NINL: variants seen among roughly 807,000 people sequenced by gnomAD.
NINL encodes ninein-like protein.
NINL carries 153 observed loss-of-function variants against 160.3 expected under a neutral mutation model. That is an observed-to-expected ratio of 0.95 (90% CI 0.84 to 1.09). The LOEUF (loss-of-function observed/expected upper bound fraction) is 1.09, where lower values mean the gene tolerates loss of function less well. Among genes scored for constraint, NINL ranks in the 50% least tolerant of loss-of-function variants. The probability of loss-of-function intolerance (pLI) is 0.00; values close to 1 mark genes in which losing one functional copy is unlikely to be tolerated. For synonymous variants in NINL, 800 were observed against 734.8 expected (o/e 1.09, Z -1.43); for missense variants, 1,829 against 1,764.0 (o/e 1.04, Z -0.66).
At chr20:25,465,300 C>G (rs1198895886) in intron 19 of NINL, among the ~76,000 whole-genome samples, 1 of 152,144 alleles carries the variant, frequency 6.6e-6, no homozygotes, top group Non-Finnish European at 1.5e-5. Flanking sequence ...CCAAAGGGAC[C>G]ATGCAGGGGA....
chr20:25,516,402 A>G (rs538939001), intron 3 of NINL, among the ~76,000 whole-genome samples: 2 of 152,356 alleles, frequency 1.3e-5, no homozygotes, highest in Admixed American at 1.3e-4. Flanking sequence ...AAAAAATAGA[A>G]TTGAAACAGG....
At chr20:25,519,684 T>C (rs913593635) in intron 2 of NINL, among the ~76,000 whole-genome samples, 3 of 152,078 alleles carry the variant, frequency 2.0e-5, no homozygotes, top group Admixed American at 6.6e-5. Flanking sequence ...ATAGACACAG[T>C]AACACGAATG....
intron 15 of NINL, among the ~76,000 whole-genome samples, chr20:25,479,583 A>G (rs1206927983): frequency 6.6e-6 from 1 of 152,214 alleles, no homozygotes; most frequent in Admixed American, 6.5e-5. Context: ...ATGGGTGGGC[A>G]GGGCTCGCCG....
chr20:25,472,325 ATATATAT>A (rs1416255712), intron 17 of NINL, among the ~76,000 whole-genome samples: 22 of 4,732 alleles, frequency 4.6e-3, no homozygotes, highest in African/African-American at 0.028. Flanking sequence ...GGAGGAGAGG[ATATATAT>A]ATATATATAT....
chr20:25,478,425 C>T (rs189617318), intron 16 of NINL, among the ~76,000 whole-genome samples: 3 of 152,344 alleles, frequency 2.0e-5, no homozygotes, highest in East Asian at 1.9e-4. Flanking sequence ...CAAGAACAGA[C>T]GTGGTCACTT....
chr20:25,507,006 A>G (rs1439326396), intron 5 of NINL, among the ~76,000 whole-genome samples: 1 of 152,236 alleles, frequency 6.6e-6, no homozygotes, highest in Non-Finnish European at 1.5e-5. Flanking sequence ...TGTTTGAACC[A>G]GCATCCAAAC....
At chr20:25,516,697 T>C (rs979513332) in intron 3 of NINL, among the ~76,000 whole-genome samples, 1 of 152,106 alleles carries the variant, frequency 6.6e-6, no homozygotes, top group Non-Finnish European at 1.5e-5. Context: ...TTGGAGCAAC[T>C]TACACCTCAC....
chr20:25,511,211 C>T (rs449801), intron 4 of NINL, among the ~76,000 whole-genome samples: 98,931 of 151,866 alleles, frequency 0.65, 33,858 homozygotes, highest in East Asian at 0.99. Context: ...CTTTCCCTCA[C>T]CAACCATATC....
intron 13 of NINL, among the ~76,000 whole-genome samples, chr20:25,487,803 C>T (rs1301616551): frequency 1.3e-5 from 2 of 152,318 alleles, no homozygotes; most frequent in South Asian, 2.1e-4. Flanking sequence ...ATTTCTTCTG[C>T]GGGCCAGAGC....
At chr20:25,538,076 A>G (rs895834075) in intron 1 of NINL, among the ~76,000 whole-genome samples, 10 of 152,114 alleles carry the variant, frequency 6.6e-5, no homozygotes, top group African/African-American at 2.2e-4. Context: ...CCAGGGCGTG[A>G]GATGCTGGTG....
intron 1 of NINL, among the ~76,000 whole-genome samples, chr20:25,574,355 CTTTT>C (rs374056975): frequency 6.8e-6 from 1 of 146,634 alleles, no homozygotes; most frequent in African/African-American, 2.5e-5. Context: ...CCACCACCGT[CTTTT>C]TTTTTTTTCT....
intron 1 of NINL, among the ~76,000 whole-genome samples, chr20:25,532,448 A>C (rs960825080): frequency 1.3e-5 from 2 of 152,058 alleles, no homozygotes; most frequent in Non-Finnish European, 2.9e-5. Flanking sequence ...CAGTAGGGGG[A>C]GCCCACCCAT....
At chr20:25,523,661 G>A (rs2064302525) in intron 2 of NINL, among the ~76,000 whole-genome samples, 1 of 151,830 alleles carries the variant, frequency 6.6e-6, no homozygotes, top group Non-Finnish European at 1.5e-5. Flanking sequence ...TTGTTTTTTT[G>A]AGATGGAGTC....
Position 25,578,430 on chromosome 20 carries a change from GCA to G in NINL, c.-12+7023_-12+7024del, listed in dbSNP as rs953517067. On this transcript the variant is annotated intron_variant, in intron 1 of 23. Transcript: ENST00000278886. ...GCCCTGAAATGTTATTTCCATGGGCGCACACACGCACACAAAGCCACAAAAAG... is the reference window on the plus strand; with the variant it reads ...GCCCTGAAATGTTATTTCCATGGGCGCACACGCACACAAAGCCACAAAAAG... Among the ~76,000 whole-genome samples, 9 of 151,902 alleles carry G rather than the reference GCA, an allele frequency of 5.9e-5. 1 individual carries two copies. Among genetic ancestry groups the G allele is most frequent in the Admixed American group, 4.6e-4 (7 of 15,240 alleles).
chr20:25,472,352 TATATATATATATATA>T (rs1338502202), intron 17 of NINL, among the ~76,000 whole-genome samples: 10 of 118,972 alleles, frequency 8.4e-5, no homozygotes, highest in Non-Finnish European at 1.4e-4. Flanking sequence ...TATATATATA[TATATATATATATATA>T]CTTTTTTTTT....
intron 11 of NINL, 91 bp from the exon 12 acceptor site, chr20:25,490,076 C>A (rs2063591827): frequency 8.5e-7 from 1 of 1,183,172 alleles, no homozygotes; most frequent in African/African-American, 1.5e-5. Flanking sequence ...TCTCATAGGA[C>A]TGGGCATCAG....
intron 13 of NINL, among the ~76,000 whole-genome samples, chr20:25,488,349 C>T (rs1452559450): frequency 6.6e-6 from 1 of 152,190 alleles, no homozygotes; most frequent in Non-Finnish European, 1.5e-5. Flanking sequence ...CCTCAGCTTC[C>T]TGAGTAGCTG....
chr20:25,533,085 G>C (rs1246908213), intron 1 of NINL, among the ~76,000 whole-genome samples: 1 of 152,152 alleles, frequency 6.6e-6, no homozygotes, highest in African/African-American at 2.4e-5. Context: ...TGGGATCCAA[G>C]AGCCCCAGAA....
At position 25,476,891 on chromosome 20, in the gene NINL, T is replaced by TA; in HGVS notation, c.2399dup (p.Ser801IlefsTer65). ...ACTCCTCCTCCTCGAGGGCCAACGA[T>TA]ACGCACATCTGGGCGCGCTTCTCGC... is the stretch of plus-strand genomic sequence containing the variant. On this transcript the variant is annotated frameshift_variant, in exon 17 of 24. Coordinates refer to ENST00000278886, the MANE Select transcript of NINL (RefSeq NM_025176.6). LOFTEE classifies it high-confidence loss of function. The TA allele has an allele frequency of 6.2e-7, 1 of 1,613,250 alleles. No homozygotes were observed. The highest frequency in any genetic ancestry group is 8.5e-7 in the Non-Finnish European group (1 of 1,179,874).
Sources: gnomAD v4.1 joint callset for allele counts (sites outside exome capture counted in the v4.1 genomes callset) on GRCh38, gnomAD v4.1.1 for gene constraint, MANE v1.5 for transcripts, NCBI Gene and HGNC (gene_info 2026-07-23, HGNC 2026-07-21) for gene names.